Variants in MEPE observed in about 807,000 individuals in gnomAD.
MEPE encodes matrix, extracellular phosphoglycoprotein with ASARM motif (bone).
In MEPE, 7 loss-of-function variants were observed where a neutral mutation model predicts 7.3. That is an observed-to-expected ratio of 0.95 (90% CI 0.54 to 1.79). The LOEUF (loss-of-function observed/expected upper bound fraction) is 1.79. Among genes scored for constraint, MEPE ranks in the 40% most tolerant of loss-of-function variants. MEPE has a pLI of 0.00. For missense variants in MEPE, 623 were observed against 628.2 expected (o/e 0.99, Z 0.09); for synonymous variants, 214 against 213.1 (o/e 1.00, Z -0.04).
intron 1 of MEPE, among the ~76,000 whole-genome samples, chr4:87,823,848 A>G (rs1049889558): frequency 6.6e-6 from 1 of 152,220 alleles, no homozygotes; most frequent in Non-Finnish European, 1.5e-5. Flanking sequence ...AAAGTAAACC[A>G]TGAAGCAATG....
chr4:87,835,536 T>C (rs1578056468), intron 2 of MEPE, among the ~76,000 whole-genome samples: 2 of 152,300 alleles, frequency 1.3e-5, no homozygotes, highest in Middle Eastern at 3.4e-3. Context: ...ATCATACTTA[T>C]ATATAGGTCC....
chr4:87,836,425 G>A (rs1722794989), intron 2 of MEPE, among the ~76,000 whole-genome samples: 1 of 152,052 alleles, frequency 6.6e-6, no homozygotes, highest in East Asian at 1.9e-4. Context: ...GTGTGTGTGT[G>A]TGTGTGTTCT....
At chr4:87,822,388 C>T (rs1471110086) in intron 1 of MEPE, among the ~76,000 whole-genome samples, 2 of 152,102 alleles carry the variant, frequency 1.3e-5, no homozygotes, top group South Asian at 2.1e-4. Context: ...ACTCACAACC[C>T]GTCAAGCAAT....
chr4:87,822,568 A>G (rs1722362800), intron 1 of MEPE, among the ~76,000 whole-genome samples: 1 of 152,188 alleles, frequency 6.6e-6, no homozygotes, highest in Non-Finnish European at 1.5e-5. Context: ...CATCACCTGT[A>G]TGGTGTCAGC....
chr4:87,824,556 A>G (rs1722417564), intron 1 of MEPE, among the ~76,000 whole-genome samples: 1 of 152,210 alleles, frequency 6.6e-6, no homozygotes, highest in South Asian at 2.1e-4. Flanking sequence ...TGTTCCAATA[A>G]AACTTTATCT....
rs1723272733 is a variant in MEPE, at chr4:87,846,452, C to G, written c.*6C>G. On this transcript the variant is annotated 3_prime_UTR_variant, in exon 4 of 4. Transcript: ENST00000361056. ...GTGAGAGCGATGGTGACTAGTCCAC[C>G]AGGAGTTCCCAGCGGGGTGACAGTC... 6.2e-7 allele frequency: 1 copy of G among 1,606,170 alleles called. No individual in the cohort carries two copies. The highest frequency in any genetic ancestry group is 1.1e-5 in the South Asian group (1 of 89,820).
At chr4:87,830,349 C>G (rs1181605336), upstream of MEPE, among the ~76,000 whole-genome samples, 1 of 152,046 alleles carries the variant, frequency 6.6e-6, no homozygotes, top group East Asian at 1.9e-4. Context: ...CAGTGACAGA[C>G]TGGATAAAGA....
chr4:87,825,761 G>A (rs1722448283), intron 1 of MEPE, among the ~76,000 whole-genome samples: 2 of 152,272 alleles, frequency 1.3e-5, no homozygotes, highest in East Asian at 3.9e-4. Flanking sequence ...GCAGGTAAAT[G>A]TGTGTCATGG....
chr4:87,833,940 C>T (rs1722681532), intron 1 of MEPE, among the ~76,000 whole-genome samples: 1 of 152,128 alleles, frequency 6.6e-6, no homozygotes, highest in Admixed American at 6.5e-5. Context: ...GGGTCTAGAG[C>T]CACATTGCCT....
At chr4:87,843,979 C>T (rs951891936) in intron 3 of MEPE, among the ~76,000 whole-genome samples, 1 of 152,222 alleles carries the variant, frequency 6.6e-6, no homozygotes, top group South Asian at 2.1e-4. Flanking sequence ...GCTACCATAG[C>T]TTAGGATTCA....
intron 3 of MEPE, among the ~76,000 whole-genome samples, chr4:87,842,662 G>A (rs1723058395): frequency 3.3e-5 from 5 of 152,138 alleles, no homozygotes; most frequent in Admixed American, 6.5e-5. Flanking sequence ...AGCAGCCAGC[G>A]AGTTCGAAGG....
intron 3 of MEPE, among the ~76,000 whole-genome samples, chr4:87,839,040 T>G (rs948958707): frequency 6.6e-6 from 1 of 152,182 alleles, no homozygotes; most frequent in Non-Finnish European, 1.5e-5. Flanking sequence ...AACACTTTGC[T>G]CTCAGAATGA....
At position 87,845,156 on chromosome 4, in the gene MEPE, G is replaced by A. The variant is rs1412671678; in HGVS notation, c.288G>A (p.Leu96=). Residue 96 remains leucine (L), a synonymous_variant, in exon 4 of 4, where the codon CTG becomes CTA. Coordinates refer to ENST00000361056, the MANE Select transcript of MEPE (RefSeq NM_020203.6). ...ATTATTTCACAAATAGACAGAGACTGAATAAAGAATATAGTATCAGTAACA... is the reference window on the plus strand; with the variant it reads ...ATTATTTCACAAATAGACAGAGACTAAATAAAGAATATAGTATCAGTAACA... ...SQNYFTNRQR[L]NKEYSISNKE... 1.9e-6 allele frequency: 3 copies of A among 1,613,486 alleles called. No individual in the cohort carries two copies. Among genetic ancestry groups the A allele is most frequent in the African/African-American group, 1.3e-5 (1 of 74,866 alleles).
At chr4:87,839,600 A>C (rs1722932361) in intron 3 of MEPE, 2 of 918,856 alleles carry the variant, frequency 2.2e-6, no homozygotes, top group East Asian at 5.3e-5. Flanking sequence ...CCCAACTTTT[A>C]AAGTTTCTTA....
At chr4:87,834,514 T>C (rs1407356600) in intron 1 of MEPE, among the ~76,000 whole-genome samples, 189 bp from the exon 2 acceptor site, 2 of 152,226 alleles carry the variant, frequency 1.3e-5, no homozygotes, top group Admixed American at 6.5e-5. Flanking sequence ...ACTAGACATA[T>C]GAAAGTTCTT....
intron 3 of MEPE, chr4:87,839,670 G>A: frequency 6.5e-7 from 1 of 1,534,078 alleles, no homozygotes; most frequent in Non-Finnish European, 8.8e-7. Flanking sequence ...TCAATATAAT[G>A]TTGTGTTTTT....
intron 3 of MEPE, chr4:87,839,692 A>G (rs1185343784): frequency 6.5e-7 from 1 of 1,549,496 alleles, no homozygotes; most frequent in East Asian, 2.4e-5. Context: ...TAGATAACAT[A>G]CAAGGGTCAC....
intron 2 of MEPE, chr4:87,837,639 G>A (rs1333864510): frequency 2.6e-5 from 4 of 152,110 alleles, no homozygotes; most frequent in Non-Finnish European, 5.9e-5. Flanking sequence ...TTCCCTTAAG[G>A]GGTTCTCTCT....
chr4:87,835,708 T>G (rs1283811579), intron 2 of MEPE, among the ~76,000 whole-genome samples: 1 of 152,006 alleles, frequency 6.6e-6, no homozygotes, highest in African/African-American at 2.4e-5. Flanking sequence ...GCTGTACTGC[T>G]CACAACACAC....
Sources: allele counts gnomAD v4.1 joint callset (sites outside exome capture counted in the v4.1 genomes callset), GRCh38; gene constraint gnomAD v4.1.1; transcripts MANE v1.5; gene names NCBI Gene and HGNC (gene_info 2026-07-23, HGNC 2026-07-21).